TM9SF4: variants seen among roughly 807,000 people sequenced by gnomAD.
The protein encoded by TM9SF4 is dinucleotide oxidase disulfide thiol exchanger 3 superfamily member 4.
A neutral mutation model predicts 90.4 loss-of-function variants in TM9SF4; 26 were observed. The ratio of observed to expected loss-of-function variants is 0.29; its 90% CI spans 0.21 to 0.40. The LOEUF (loss-of-function observed/expected upper bound fraction) is 0.40. Among genes scored for constraint, TM9SF4 ranks in the 10% least tolerant of loss-of-function variants. The pLI, the probability that TM9SF4 is intolerant of heterozygous loss-of-function variation, is 1.00. For synonymous variants in TM9SF4, 293 were observed against 315.4 expected (o/e 0.93, Z 0.75); for missense variants, 549 against 834.8 (o/e 0.66, Z 4.22).
At chr20:32,130,996 T>G (rs1171672296) in intron 1 of TM9SF4, among the ~76,000 whole-genome samples, 1 of 152,102 alleles carries the variant, frequency 6.6e-6, no homozygotes, top group Non-Finnish European at 1.5e-5. Flanking sequence ...TAAATTTACT[T>G]AAAAATAAAA....
rs2122493208 is a variant in TM9SF4 at position 32,165,578 on chromosome 20, T to G, written c.*134T>G. ...CTCCTGGCACAGTGTTCCTGGATCCTGGGGCTGCGTGGGGGGCGGGAGGGC... is the reference window on the plus strand; with the variant it reads ...CTCCTGGCACAGTGTTCCTGGATCCGGGGGCTGCGTGGGGGGCGGGAGGGC... On this transcript the variant is annotated 3_prime_UTR_variant, in exon 18 of 18. Coordinates refer to ENST00000398022, the MANE Select transcript of TM9SF4 (RefSeq NM_014742.4). 132 of 920,682 alleles carry G rather than the reference T, an allele frequency of 1.4e-4. No individual in the cohort carries two copies. Among genetic ancestry groups the G allele is most frequent in the East Asian group, 4.6e-4 (16 of 34,552 alleles). The allele number at this position is 920,682 out of a possible 1,614,324, so 57.0% of individuals were successfully genotyped here.
chr20:32,119,151 A>G (rs894557084), intron 1 of TM9SF4, among the ~76,000 whole-genome samples: 3 of 152,172 alleles, frequency 2.0e-5, no homozygotes, highest in Admixed American at 2.0e-4. Context: ...GAGGCTGAGT[A>G]ATTTATAAAG....
intron 1 of TM9SF4, among the ~76,000 whole-genome samples, chr20:32,120,395 G>GTTTTTTTTTTTTTTT (rs34639926): frequency 3.4e-5 from 4 of 116,226 alleles, no homozygotes; most frequent in African/African-American, 6.8e-5. Flanking sequence ...TAAGTGGTGC[G>GTTTTTTTTTTTTTTT]TTTTTTTTTT....
intron 1 of TM9SF4, among the ~76,000 whole-genome samples, chr20:32,121,528 C>T (rs376565290): frequency 6.6e-6 from 1 of 151,836 alleles, no homozygotes; most frequent in East Asian, 1.9e-4. Context: ...GGTAAGGTCA[C>T]AGATCAACAG....
chr20:32,133,229 A>T (rs529620903), intron 2 of TM9SF4, 103 bp downstream of exon 2: 131 of 1,020,496 alleles, frequency 1.3e-4, no homozygotes, highest in Admixed American at 2.9e-4. Context: ...AGAAGAAAGA[A>T]TAGTGCCAGT....
chr20:32,160,656 AGTG>A (rs1201839532), intron 16 of TM9SF4, among the ~76,000 whole-genome samples: 1 of 152,124 alleles, frequency 6.6e-6, no homozygotes, highest in Non-Finnish European at 1.5e-5. Flanking sequence ...TAGCACTTAG[AGTG>A]GTGTTTGCCA....
chr20:32,158,980 T>TA lies in TM9SF4; in HGVS notation c.1569+483dup, dbSNP rs5841101. Among the ~76,000 whole-genome samples the TA allele has an allele frequency of 9.8e-3, 1,376 of 140,986 alleles. 8 individuals carry two copies. Among genetic ancestry groups the TA allele is most frequent in the Non-Finnish European group, 0.015 (972 of 64,836 alleles). 92.5% of individuals were successfully genotyped at this position (140,986 alleles called of 152,430 possible). A position where few individuals can be genotyped will look rare whatever the true frequency, so the allele number is the denominator to read the frequency against. ...CTGGGTGACAGAGAGAGACTCCATC[T>TA]AAAAAAAAAAAAAAAAATTTAAATG... On this transcript the variant is annotated intron_variant, in intron 15 of 17. Coordinates refer to ENST00000398022, the MANE Select transcript of TM9SF4 (RefSeq NM_014742.4).
intron 1 of TM9SF4, among the ~76,000 whole-genome samples, chr20:32,132,655 GGAATTAATTAAATGTCCTGGA>G (rs2046536998): frequency 6.6e-6 from 1 of 152,160 alleles, no homozygotes. Context: ...CAGAGAAATG[GGAATTAATTAAATGTCCTGGA>G]GCTTTATTTC....
chr20:32,127,682 G>T (rs140934554), intron 1 of TM9SF4, among the ~76,000 whole-genome samples: 1 of 152,146 alleles, frequency 6.6e-6, no homozygotes, highest in Non-Finnish European at 1.5e-5. Context: ...TTTGAGACTG[G>T]AACAAAAGTG....
At chr20:32,141,378 G>A (rs1600816254) in intron 3 of TM9SF4, 119 bp from the exon 4 acceptor site, 2 of 1,207,554 alleles carry the variant, frequency 1.7e-6, no homozygotes. Flanking sequence ...CCAGGCTGAG[G>A]CACTGCTGAA....
Position 32,165,784 on chromosome 20 carries a change from C to G in TM9SF4, c.*340C>G, listed in dbSNP as rs2047091466. The G allele has an allele frequency of 4.1e-6, 1 of 241,956 alleles. No individual in the cohort carries two copies. The highest frequency in any genetic ancestry group is 5.0e-5 in the Admixed American group (1 of 19,868). The allele number at this position is 241,956 out of a possible 1,614,324, so 15.0% of individuals were successfully genotyped here. On this transcript the variant is annotated 3_prime_UTR_variant, in exon 18 of 18. Coordinates refer to ENST00000398022, the MANE Select transcript of TM9SF4 (RefSeq NM_014742.4). Reference sequence around the variant, plus strand: ...TCCTTCTTTGTTTTAACAAATGGATCCAGGATGGATAAATCCACCGAGATA... The same window carrying G: ...TCCTTCTTTGTTTTAACAAATGGATGCAGGATGGATAAATCCACCGAGATA...
chr20:32,133,211 G>C, intron 2 of TM9SF4, 85 bp downstream of exon 2: 1 of 1,273,318 alleles, frequency 7.9e-7, no homozygotes, highest in Non-Finnish European at 1.1e-6. Context: ...TCCATCCTGT[G>C]GTTGCAGAGA....
intron 1 of TM9SF4, among the ~76,000 whole-genome samples, chr20:32,114,049 C>T (rs768537731): frequency 3.9e-5 from 6 of 152,194 alleles, no homozygotes; most frequent in African/African-American, 7.2e-5. Flanking sequence ...TTGTTTATCA[C>T]TCATCAGTTG....
intron 2 of TM9SF4, among the ~76,000 whole-genome samples, chr20:32,135,788 T>C (rs2046586545): frequency 6.6e-6 from 1 of 152,164 alleles, no homozygotes; most frequent in African/African-American, 2.4e-5. Flanking sequence ...GTTATTTCCT[T>C]AGGAAAGATG....
In TM9SF4 at chr20:32,166,183, G is replaced by C. The variant is rs1428001213; in HGVS notation, c.*739G>C. On this transcript the variant is annotated 3_prime_UTR_variant, in exon 18 of 18. Coordinates refer to ENST00000398022, the MANE Select transcript of TM9SF4 (RefSeq NM_014742.4). ...GGAATTGCCCCTGTTCAGAGCAGCC[G>C]GAGTTTGCTGGACCACAAGGAAGAA... is the stretch of plus-strand genomic sequence containing the variant. The C allele has an allele frequency of 2.0e-5, 3 of 152,810 alleles. No individual in the cohort carries two copies. The highest frequency in any genetic ancestry group is 7.2e-5 in the African/African-American group (3 of 41,470). 9.5% of individuals were successfully genotyped at this position (152,810 alleles called of 1,614,324 possible).
At chr20:32,152,029 T>A (rs941632138) in intron 12 of TM9SF4, among the ~76,000 whole-genome samples, 15 of 140,948 alleles carry the variant, frequency 1.1e-4, no homozygotes, top group African/African-American at 3.7e-4. Flanking sequence ...ACCTGGCTAA[T>A]TTTTTTTTTT....
chr20:32,136,095 C>A lies in TM9SF4; in HGVS notation c.151C>A (p.Arg51=), dbSNP rs780208204. 15 of 1,614,144 alleles carry A rather than the reference C, an allele frequency of 9.3e-6. No homozygotes were observed. In the African/African-American group the frequency reaches 1.9e-4, roughly 20 times the overall value. The change falls in exon 3 of 18, where the codon CGA becomes AGA. Residue 51 remains arginine (R), a synonymous_variant. Transcript: ENST00000398022. Reference sequence around the variant, plus strand: ...TCAGGCTGTGAAGCTCACCAGCTCTCGAACCCAGCTACCTTATGAATACTA... The same window carrying A: ...TCAGGCTGTGAAGCTCACCAGCTCTAGAACCCAGCTACCTTATGAATACTA... The part of the protein sequence containing the change: ...EIKAVKLTSS[R]TQLPYEYYSL...
intron 1 of TM9SF4, among the ~76,000 whole-genome samples, chr20:32,130,003 A>G (rs943078832): frequency 3.3e-5 from 5 of 152,218 alleles, no homozygotes; most frequent in African/African-American, 9.6e-5. Flanking sequence ...GTCAAAGAGT[A>G]TGTACTTTTG....
intron 1 of TM9SF4, among the ~76,000 whole-genome samples, chr20:32,126,662 GC>G (rs2046427066): frequency 6.6e-6 from 1 of 152,252 alleles, no homozygotes; most frequent in East Asian, 1.9e-4. Flanking sequence ...CTCCTTGTGG[GC>G]ATGTATTCTT....
Sources: allele counts gnomAD v4.1 joint callset (sites outside exome capture counted in the v4.1 genomes callset), GRCh38; gene constraint gnomAD v4.1.1; transcripts MANE v1.5; gene names NCBI Gene and HGNC (gene_info 2026-07-23, HGNC 2026-07-21).